The following BMP7 variants were observed in gnomAD, a reference collection of about 807,000 sequenced individuals.
BMP7 encodes the protein osteogenic protein 1.
BMP7 carries 12 observed loss-of-function variants against 41.2 expected under a neutral mutation model. That is an observed-to-expected ratio of 0.29 (90% confidence interval 0.19 to 0.47). The LOEUF (loss-of-function observed/expected upper bound fraction) is 0.47, where lower values mean the gene tolerates loss of function less well. Among genes scored for constraint, BMP7 ranks in the 20% least tolerant of loss-of-function variants. The pLI is 0.99. For missense variants in BMP7, 467 were observed against 606.0 expected, an observed-to-expected ratio of 0.77 and a Z score of 2.41; for synonymous variants, 248 against 250.0, an observed-to-expected ratio of 0.99 and a Z score of 0.07.
chr20:57,243,698 C>T (rs1239102833), intron 1 of BMP7, among the ~76,000 whole-genome samples: 1 of 152,100 alleles, frequency 6.6e-6, no homozygotes, highest in African/African-American at 2.4e-5. Context: ...AGTTCACGAC[C>T]GCAGAGGCTT....
intron 1 of BMP7, among the ~76,000 whole-genome samples, chr20:57,236,763 TAA>T (rs36018016): frequency 1.9e-3 from 270 of 141,942 alleles, no homozygotes; most frequent in Admixed American, 4.2e-3. Context: ...CAGCCATGCA[TAA>T]AAAAAAAAAA....
In BMP7 at chr20:57,193,725, A is replaced by G. The variant is rs1600615511; in HGVS notation, c.760+8750T>C. The stretch of plus-strand genomic sequence containing the variant: ...GATTACTCATATAATGAGAGACATC[A>G]TGTGCAGGTTTTGGGGTGAACTTAC... On this transcript the variant is annotated intron_variant, in intron 3 of 6. Coordinates refer to ENST00000395863, the MANE Select transcript of BMP7 (RefSeq NM_001719.3). Among the ~76,000 whole-genome samples, 3 of 152,344 alleles carry G rather than the reference A, an allele frequency of 2.0e-5. No homozygotes were observed. The South Asian group carries it at 6.2e-4, about 32-fold the overall frequency.
At chr20:57,186,452 T>C (rs1405468417) in intron 3 of BMP7, among the ~76,000 whole-genome samples, 1 of 152,214 alleles carries the variant, frequency 6.6e-6, no homozygotes, top group African/African-American at 2.4e-5. Flanking sequence ...TAATACCATG[T>C]CTGGGGGTGA....
At chr20:57,198,092 C>T (rs148072034) in intron 3 of BMP7, among the ~76,000 whole-genome samples, 1 of 140,780 alleles carries the variant, frequency 7.1e-6, no homozygotes, top group Non-Finnish European at 1.6e-5. Flanking sequence ...GCTCTCCTCT[C>T]CCCCTTCTCT....
chr20:57,176,378 C>T (rs747625228), intron 4 of BMP7, among the ~76,000 whole-genome samples: 5 of 152,190 alleles, frequency 3.3e-5, no homozygotes, highest in East Asian at 1.9e-4. Flanking sequence ...CTGGTTGAAG[C>T]GCATTTGACT....
chr20:57,260,602 A>G (rs759586933), intron 1 of BMP7, among the ~76,000 whole-genome samples: 1 of 152,268 alleles, frequency 6.6e-6, no homozygotes, highest in Non-Finnish European at 1.5e-5. Flanking sequence ...ACTAATTAAA[A>G]GCAGAGGGTT....
intron 3 of BMP7, among the ~76,000 whole-genome samples, chr20:57,200,002 G>A (rs1984584906): frequency 6.6e-6 from 1 of 152,362 alleles, no homozygotes; most frequent in East Asian, 1.9e-4. Context: ...TAGGCTGCAA[G>A]GAATGGAGAG....
chr20:57,235,003 G>A (rs753624349), intron 1 of BMP7, among the ~76,000 whole-genome samples: 6 of 152,192 alleles, frequency 3.9e-5, no homozygotes, highest in African/African-American at 7.2e-5. Context: ...TACCAGCTCC[G>A]AAGTCGTCCC....
chr20:57,209,268 T>TATATAA (rs1984823602), intron 2 of BMP7, among the ~76,000 whole-genome samples: 1 of 129,908 alleles, frequency 7.7e-6, no homozygotes, highest in Non-Finnish European at 1.6e-5. Context: ...TATATATATA[T>TATATAA]ATATATATAT....
In BMP7 at chr20:57,174,804, G is replaced by T. The variant is rs1983885753; in HGVS notation, c.1035+127C>A. The T allele has an allele frequency of 2.4e-5, 25 of 1,046,118 alleles. 1 individual carries two copies. The highest frequency in any genetic ancestry group is 2.9e-4 in the Middle Eastern group (1 of 3,424). 64.8% of individuals were successfully genotyped at this position (1,046,118 alleles called of 1,614,324 possible). A position where few individuals can be genotyped will look rare whatever the true frequency, so the allele number is the denominator to read the frequency against. On this transcript the variant is annotated intron_variant, in intron 5 of 6. Transcript: ENST00000395863. The surrounding 1 kb of genome is among the most constrained non-coding windows in gnomAD (Gnocchi z 4.3). ...TCCTTAGCCCAAGTCCCCTTCCCTA[G>T]CGAGGCCACTTGATACTGGAGTCTT...
At chr20:57,236,529 G>A (rs1196569262) in intron 1 of BMP7, among the ~76,000 whole-genome samples, 1 of 152,174 alleles carries the variant, frequency 6.6e-6, no homozygotes, top group African/African-American at 2.4e-5. Flanking sequence ...AGAAAGACTA[G>A]CATGGCCTTG....
rs553270520 is a variant in BMP7 at position 57,240,906 on chromosome 20, T to G, written c.419-12485A>C. 5.3e-5 allele frequency among the ~76,000 whole-genome samples: 8 copies of G among 152,292 alleles called. No individual in the cohort carries two copies. In the East Asian group the frequency reaches 1.5e-3, roughly 29 times the overall value. On this transcript the variant is annotated intron_variant, in intron 1 of 6. Transcript: ENST00000395863. ...AGATACAATTCAAGTTGAGATTTGG[T>G]AGGGACACAGCCAAACCATATCAGT...
At chr20:57,189,540 A>G (rs112752742) in intron 3 of BMP7, among the ~76,000 whole-genome samples, 2,186 of 152,338 alleles carry the variant, frequency 0.014, 33 homozygotes, top group Middle Eastern at 0.065. Flanking sequence ...GCCATTCCAC[A>G]TGATTGGGAC....
intron 3 of BMP7, among the ~76,000 whole-genome samples, chr20:57,197,406 G>T (rs1272599344): frequency 1.3e-5 from 2 of 152,060 alleles, no homozygotes; most frequent in African/African-American, 4.8e-5. Flanking sequence ...CCTCCGGATG[G>T]CCAGGCTGGG....
At chr20:57,240,051 T>G (rs1424880782) in intron 1 of BMP7, among the ~76,000 whole-genome samples, 1 of 152,282 alleles carries the variant, frequency 6.6e-6, no homozygotes, top group Non-Finnish European at 1.5e-5. Flanking sequence ...TATGCAAATT[T>G]CTGTAGCCAG....
chr20:57,238,004 C>G (rs1312185450), intron 1 of BMP7, among the ~76,000 whole-genome samples: 1 of 152,188 alleles, frequency 6.6e-6, no homozygotes, highest in East Asian at 1.9e-4. Flanking sequence ...TTTACGTGTA[C>G]AGTTCAGTCA....
At chr20:57,212,095 A>AG (rs1984902223) in intron 2 of BMP7, among the ~76,000 whole-genome samples, 2 of 152,168 alleles carry the variant, frequency 1.3e-5, no homozygotes, top group Admixed American at 1.3e-4. Flanking sequence ...AGCACACAAG[A>AG]GGGTCATTCA....
rs1568718198 is a variant in BMP7 at position 57,216,559 on chromosome 20, T to TCTCCTGAGGGCGAGGGGCTGC, written c.611+11669_611+11670insGCAGCCCCTCGCCCTCAGGAG. ...GCTGTCTCCTGAGGGCGAGGGGCTG[T>TCTCCTGAGGGCGAGGGGCTGC]CTCCTGAGGGTGAGGGGCTGTCTCT... On this transcript the variant is annotated intron_variant, in intron 2 of 6. Transcript: ENST00000395863. Among the ~76,000 whole-genome samples the TCTCCTGAGGGCGAGGGGCTGC allele has an allele frequency of 6.1e-3, 882 of 145,254 alleles. 6 individuals carry two copies. Among genetic ancestry groups the TCTCCTGAGGGCGAGGGGCTGC allele is most frequent in the African/African-American group, 9.4e-3 (347 of 36,860 alleles).
intron 1 of BMP7, among the ~76,000 whole-genome samples, chr20:57,234,441 C>T (rs935751121): frequency 5.3e-5 from 8 of 152,188 alleles, no homozygotes; most frequent in African/African-American, 1.9e-4. Flanking sequence ...CTGGGTTGAT[C>T]CCCTGGTCTG....
Sources: gnomAD v4.1 joint callset for allele counts (sites outside exome capture counted in the v4.1 genomes callset) on GRCh38, gnomAD v4.1.1 for gene constraint, Gnocchi (gnomAD v3.1) non-coding constraint, MANE v1.5 for transcripts, NCBI Gene and HGNC (gene_info 2026-07-23, HGNC 2026-07-21) for gene names.